The following GABARAPL1 variants were observed in gnomAD, a reference collection of about 807,000 sequenced individuals.
The protein encoded by GABARAPL1 is GABA type A receptor associated protein like 1.
A neutral mutation model predicts 14.5 loss-of-function variants in GABARAPL1; 4 were observed. The ratio of observed to expected loss-of-function variants is 0.28; its 90% CI spans 0.14 to 0.63. The LOEUF (loss-of-function observed/expected upper bound fraction) is 0.63. Among genes scored for constraint, GABARAPL1 ranks in the 30% least tolerant of loss-of-function variants. GABARAPL1 has a pLI of 0.84. For synonymous variants in GABARAPL1, 47 were observed against 50.6 expected (o/e 0.93, Z 0.30); for missense variants, 82 against 139.2 (o/e 0.59, Z 2.07).
rs148471797 is a variant in GABARAPL1, at chr12:10,219,056, C to T, written c.169+915C>T. Among the ~76,000 whole-genome samples, 920 of 151,908 alleles carry T rather than the reference C, an allele frequency of 6.1e-3. 9 individuals are homozygous for T. The highest frequency in any genetic ancestry group is 0.021 in the African/African-American group (867 of 41,498). On this transcript the variant is annotated intron_variant, in intron 2 of 3. Transcript: ENST00000266458. Reference sequence around the variant, plus strand: ...AGCTTTGGCTGGGGGTGGTGGCTCACGCCTGTAATCCCAGCACTTTGGGAC... The same window carrying T: ...AGCTTTGGCTGGGGGTGGTGGCTCATGCCTGTAATCCCAGCACTTTGGGAC...
At chr12:10,216,315 G>T (rs113806306) in intron 1 of GABARAPL1, among the ~76,000 whole-genome samples, 1 of 151,858 alleles carries the variant, frequency 6.6e-6, no homozygotes, top group Non-Finnish European at 1.5e-5. Flanking sequence ...AGGTTGCAGT[G>T]ATCCGAGATC....
intron 3 of GABARAPL1, chr12:10,221,056 C>T (rs1949118268): frequency 1.0e-6 from 1 of 985,226 alleles, no homozygotes; most frequent in African/African-American, 1.7e-5. Flanking sequence ...CAGTCAGCTT[C>T]TTCTATGAAC....
chr12:10,218,976 T>G (rs1949105402), intron 2 of GABARAPL1, among the ~76,000 whole-genome samples: 1 of 151,682 alleles, frequency 6.6e-6, no homozygotes, highest in Non-Finnish European at 1.5e-5. Flanking sequence ...CCTCCCAAAT[T>G]GCTGGGATTA....
intron 1 of GABARAPL1, chr12:10,214,541 AC>A (rs1452334380): frequency 6.6e-6 from 1 of 152,192 alleles, no homozygotes; most frequent in Non-Finnish European, 1.5e-5. Flanking sequence ...TTCTGGTGAT[AC>A]CAATCTTTTG....
At chr12:10,221,643 C>T in intron 3 of GABARAPL1, 144 bp from the exon 4 acceptor site, 2 of 998,456 alleles carry the variant, frequency 2.0e-6, no homozygotes, top group Non-Finnish European at 2.9e-6. Context: ...TAATTCCAAC[C>T]ACTTCTCCCT....
intron 2 of GABARAPL1, among the ~76,000 whole-genome samples, chr12:10,219,371 T>G (rs1479493041): frequency 6.6e-6 from 1 of 151,636 alleles, no homozygotes; most frequent in Non-Finnish European, 1.5e-5. Flanking sequence ...TTGTTAATTG[T>G]GATATCAATT....
chr12:10,214,070 G>T (rs964192691), intron 1 of GABARAPL1: 54 of 320,446 alleles, frequency 1.7e-4, no homozygotes, highest in Non-Finnish European at 3.3e-4. Context: ...TTTCTCTAAT[G>T]CAGGCTGCGC....
chr12:10,221,699 C>G, intron 3 of GABARAPL1, 88 bp from the exon 4 acceptor site: 1 of 1,445,290 alleles, frequency 6.9e-7, no homozygotes, highest in African/African-American at 1.4e-5. Flanking sequence ...ACCTTCCATA[C>G]CTGCTTTACA....
At chr12:10,219,292 C>T (rs1355102408) in intron 2 of GABARAPL1, among the ~76,000 whole-genome samples, 4 of 149,682 alleles carry the variant, frequency 2.7e-5, no homozygotes, top group Admixed American at 6.6e-5. Context: ...GCACTCCAGG[C>T]TGAGTGACAC....
chr12:10,221,982 C>G lies in GABARAPL1; in HGVS notation c.*130C>G, dbSNP rs568814340. The G allele has an allele frequency of 5.4e-5, 39 of 721,818 alleles. No individual in the cohort carries two copies. The East Asian group carries it at 9.9e-4, about 18-fold the overall frequency. The allele number at this position is 721,818 out of a possible 1,614,324, so 44.7% of individuals were successfully genotyped here. A position where few individuals can be genotyped will look rare whatever the true frequency, so the allele number is the denominator to read the frequency against. ...AAGGTGAAGACATCTAGAAACATTA[C>G]ACCACACACACCGTCATCACATTTT... On this transcript the variant is annotated 3_prime_UTR_variant, in exon 4 of 4. Coordinates refer to ENST00000266458, the MANE Select transcript of GABARAPL1 (RefSeq NM_031412.4).
intron 1 of GABARAPL1, among the ~76,000 whole-genome samples, chr12:10,216,839 A>G (rs1488249547): frequency 6.6e-6 from 1 of 152,066 alleles, no homozygotes; most frequent in Non-Finnish European, 1.5e-5. Context: ...TGCGCCCGGC[A>G]ATGATTATAT....
intron 2 of GABARAPL1, among the ~76,000 whole-genome samples, chr12:10,219,444 A>G (rs1949108375): frequency 6.6e-6 from 1 of 152,208 alleles, no homozygotes; most frequent in Non-Finnish European, 1.5e-5. Context: ...TTCCTGATTA[A>G]ATACATCTTC....
At chr12:10,213,863 G>A (rs762378240) in intron 1 of GABARAPL1, 3 of 455,982 alleles carry the variant, frequency 6.6e-6, no homozygotes, top group Non-Finnish European at 1.3e-5. Context: ...GGGACAGCCA[G>A]CCTCCTCGTG....
At chr12:10,213,495 G>T (rs1949070122) in intron 1 of GABARAPL1, 1 of 436,740 alleles carries the variant, frequency 2.3e-6, no homozygotes, top group Non-Finnish European at 4.3e-6. Context: ...CCCACACACG[G>T]TCTCAGCAGC....
chr12:10,219,723 C>T (rs1478913283), intron 2 of GABARAPL1, among the ~76,000 whole-genome samples: 1 of 152,106 alleles, frequency 6.6e-6, no homozygotes, highest in Non-Finnish European at 1.5e-5. Flanking sequence ...TTGCTTGAAC[C>T]TGGGGAGGTG....
Position 10,221,857 on chromosome 12 carries a change from T to C in GABARAPL1, c.*5T>C, listed in dbSNP as rs374836231. ...GAGAGTGTCTATGGGAAATGAGTGGTTGGAAGCCCAGCAGATGGGAGCACC... is the reference window on the plus strand; with the variant it reads ...GAGAGTGTCTATGGGAAATGAGTGGCTGGAAGCCCAGCAGATGGGAGCACC... On this transcript the variant is annotated 3_prime_UTR_variant, in exon 4 of 4. Coordinates refer to ENST00000266458, the MANE Select transcript of GABARAPL1 (RefSeq NM_031412.4). 3.5e-5 allele frequency: 56 copies of C among 1,613,698 alleles called. No individual in the cohort carries two copies. The highest frequency in any genetic ancestry group is 2.5e-6 in the Non-Finnish European group (3 of 1,179,842).
chr12:10,217,798 G>C (rs773359529), intron 1 of GABARAPL1, among the ~76,000 whole-genome samples: 1 of 152,118 alleles, frequency 6.6e-6, no homozygotes, highest in Admixed American at 6.5e-5. Flanking sequence ...CAGGTAACCT[G>C]TAATTACTTA....
Position 10,218,265 on chromosome 12 carries a change from G to T in GABARAPL1, c.169+124G>T, listed in dbSNP as rs930523938. 3 of 708,106 alleles carry T rather than the reference G, an allele frequency of 4.2e-6. No individual in the cohort carries two copies. The Admixed American group carries it at 6.4e-5, about 15-fold the overall frequency. 43.9% of individuals were successfully genotyped at this position (708,106 alleles called of 1,614,324 possible). ...TTGAAGGAAGTGAGTGGGATGCTCTGGAGTTATCTGATTAAAAAATGACTC... is the reference window on the plus strand; with the variant it reads ...TTGAAGGAAGTGAGTGGGATGCTCTTGAGTTATCTGATTAAAAAATGACTC... On this transcript the variant is annotated intron_variant, in intron 2 of 3. Transcript: ENST00000266458.
intron 1 of GABARAPL1, among the ~76,000 whole-genome samples, chr12:10,216,575 T>C (rs1036597485): frequency 1.3e-5 from 2 of 150,512 alleles, no homozygotes. Flanking sequence ...GTTTTGCTCT[T>C]GTTGCCCAGG....
Sources: allele counts gnomAD v4.1 joint callset (sites outside exome capture counted in the v4.1 genomes callset), GRCh38; gene constraint gnomAD v4.1.1; transcripts MANE v1.5; gene names NCBI Gene and HGNC (gene_info 2026-07-23, HGNC 2026-07-21).